SCAPER: variants seen among roughly 807,000 people sequenced by gnomAD.
SCAPER encodes the protein S phase cyclin A-associated protein in the endoplasmic reticulum.
Under a neutral mutation model 182.2 loss-of-function variants are expected in SCAPER, and 98 were observed. The ratio of observed to expected loss-of-function variants is 0.54; its 90% CI spans 0.46 to 0.64. The LOEUF is 0.64. Among genes scored for constraint, SCAPER ranks in the 30% least tolerant of loss-of-function variants. SCAPER has a pLI of 0.00. For missense variants in SCAPER, 1,432 were observed against 1,690.0 expected, an observed-to-expected ratio of 0.85 and a Z score of 2.68; for synonymous variants, 605 against 564.6, an observed-to-expected ratio of 1.07 and a Z score of -1.01.
chr15:76,720,005 T>C (rs280009), intron 17 of SCAPER, among the ~76,000 whole-genome samples: 23,223 of 151,758 alleles, frequency 0.15, 2,009 homozygotes, highest in African/African-American at 0.24. Context: ...TGTATACATG[T>C]GCCATGTTGG....
At chr15:76,730,081 T>C (rs960015703) in intron 16 of SCAPER, among the ~76,000 whole-genome samples, 5 of 152,108 alleles carry the variant, frequency 3.3e-5, no homozygotes, top group African/African-American at 1.2e-4. Context: ...GTTCTCAGCA[T>C]AGAGTTTAGC....
At chr15:76,629,549 T>C (rs939465413) in intron 21 of SCAPER, among the ~76,000 whole-genome samples, 1 of 152,232 alleles carries the variant, frequency 6.6e-6, no homozygotes, top group African/African-American at 2.4e-5. Context: ...TCTGTTTATG[T>C]GATGAATTAT....
chr15:76,417,185 T>C (rs1049938394), intron 26 of SCAPER, among the ~76,000 whole-genome samples: 1 of 151,704 alleles, frequency 6.6e-6, no homozygotes, highest in African/African-American at 2.4e-5. Context: ...GTAATTATCT[T>C]TGGGTGGTGG....
At chr15:76,744,113 C>T (rs2061679444) in intron 15 of SCAPER, among the ~76,000 whole-genome samples, 1 of 152,180 alleles carries the variant, frequency 6.6e-6, no homozygotes, top group Admixed American at 6.5e-5. Context: ...TAGACCCTTA[C>T]TTTTAACTAC....
intron 2 of SCAPER, among the ~76,000 whole-genome samples, chr15:76,871,265 T>C (rs964092159): frequency 6.6e-6 from 1 of 151,510 alleles, no homozygotes; most frequent in African/African-American, 2.4e-5. Flanking sequence ...AAAAATTAAC[T>C]GGGCATGGTG....
At chr15:76,664,554 T>C (rs2056427229) in intron 21 of SCAPER, among the ~76,000 whole-genome samples, 1 of 152,060 alleles carries the variant, frequency 6.6e-6, no homozygotes, top group African/African-American at 2.4e-5. Flanking sequence ...AGATATAAAA[T>C]TGGTAGTCAT....
chr15:76,579,647 G>A (rs2048125088), intron 22 of SCAPER, among the ~76,000 whole-genome samples: 2 of 151,914 alleles, frequency 1.3e-5, no homozygotes, highest in East Asian at 3.9e-4. Flanking sequence ...AAAATAACCA[G>A]AAAACAAATA....
rs1440348155 is a variant in SCAPER at position 76,766,829 on chromosome 15, C to A, written c.1419+89G>T. ...TTTAAATAAATAATTCTAAATAGGA[C>A]TAGATGGACTCCAAGTCTTTCTGGC... On this transcript the variant is annotated intron_variant, in intron 11 of 31. Coordinates refer to ENST00000563290, the MANE Select transcript of SCAPER (RefSeq NM_020843.4). 5.1e-6 allele frequency: 5 copies of A among 984,626 alleles called. No homozygotes were observed. In the Admixed American group the frequency reaches 8.5e-5, roughly 17 times the overall value. 61.0% of individuals were successfully genotyped at this position (984,626 alleles called of 1,614,324 possible).
rs187489231 is a variant in SCAPER at position 76,548,057 on chromosome 15, C to A, written c.2838+26101G>T. Among the ~76,000 whole-genome samples the A allele has an allele frequency of 1.3e-4, 19 of 151,956 alleles. 1 individual carries two copies. Among genetic ancestry groups the A allele is most frequent in the African/African-American group, 4.1e-4 (17 of 41,444 alleles). ...CTGGATCTCCATTTTGTTAAATGTGCTTTCAACAGAATTTTATAATTTTAT... is the reference window on the plus strand; with the variant it reads ...CTGGATCTCCATTTTGTTAAATGTGATTTCAACAGAATTTTATAATTTTAT... On this transcript the variant is annotated intron_variant, in intron 23 of 31. Transcript: ENST00000563290.
At chr15:76,484,018 T>C (rs1055296064) in intron 24 of SCAPER, among the ~76,000 whole-genome samples, 5 of 151,994 alleles carry the variant, frequency 3.3e-5, no homozygotes, top group Non-Finnish European at 5.9e-5. Flanking sequence ...TAAAAACTTA[T>C]ATCTACACAA....
intron 23 of SCAPER, among the ~76,000 whole-genome samples, chr15:76,543,352 C>A (rs1202716792): frequency 6.6e-6 from 1 of 152,088 alleles, no homozygotes; most frequent in Non-Finnish European, 1.5e-5. Context: ...ACATGTAATG[C>A]AGTTTTTTCT....
At chr15:76,735,463 C>T (rs554126116) in intron 15 of SCAPER, among the ~76,000 whole-genome samples, 5 of 151,934 alleles carry the variant, frequency 3.3e-5, no homozygotes, top group Admixed American at 6.6e-5. Context: ...TTTGGGAGGC[C>T]GAGACAGGCA....
At chr15:76,897,774 A>G (rs924579351) in intron 1 of SCAPER, among the ~76,000 whole-genome samples, 5 of 152,204 alleles carry the variant, frequency 3.3e-5, no homozygotes, top group African/African-American at 1.2e-4. Context: ...AAATCCTTAC[A>G]TCACTGCATC....
At chr15:76,857,095 C>T (rs2071449547) in intron 4 of SCAPER, among the ~76,000 whole-genome samples, 1 of 152,042 alleles carries the variant, frequency 6.6e-6, no homozygotes, top group South Asian at 2.1e-4. Context: ...AACTGGCAAA[C>T]ATTGAAGGCA....
At chr15:76,758,879 T>C (rs972042915) in intron 14 of SCAPER, among the ~76,000 whole-genome samples, 21 of 152,186 alleles carry the variant, frequency 1.4e-4, no homozygotes, top group African/African-American at 3.1e-4. Context: ...TTCTCTCTCA[T>C]ATAGTTCATG....
intron 21 of SCAPER, among the ~76,000 whole-genome samples, chr15:76,664,600 G>T (rs1330198001): frequency 1.3e-5 from 2 of 151,976 alleles, no homozygotes; most frequent in Non-Finnish European, 2.9e-5. Context: ...CAGAACCAGG[G>T]AGCTCACCAA....
At chr15:76,766,557 C>T (rs1355968508) in intron 11 of SCAPER, among the ~76,000 whole-genome samples, 2 of 151,970 alleles carry the variant, frequency 1.3e-5, no homozygotes, top group East Asian at 1.9e-4. Flanking sequence ...AGGCTGGTCT[C>T]GAACTCCTAT....
chr15:76,883,607 T>C (rs1340596964), intron 2 of SCAPER, among the ~76,000 whole-genome samples: 1 of 152,206 alleles, frequency 6.6e-6, no homozygotes, highest in Non-Finnish European at 1.5e-5. Flanking sequence ...CCATAAGTGT[T>C]AGAGGCAAGC....
At chr15:76,581,488 G>A (rs1028257942) in intron 22 of SCAPER, among the ~76,000 whole-genome samples, 18 of 152,152 alleles carry the variant, frequency 1.2e-4, no homozygotes, top group African/African-American at 4.3e-4. Context: ...TCCCAGGGAT[G>A]CAAGGATGGT....
Sources: allele counts gnomAD v4.1 joint callset (sites outside exome capture counted in the v4.1 genomes callset), GRCh38; gene constraint gnomAD v4.1.1; transcripts MANE v1.5; gene names NCBI Gene and HGNC (gene_info 2026-07-23, HGNC 2026-07-21).